Variants in DUS2 observed in about 807,000 individuals in gnomAD.
DUS2 encodes the protein dihydrouridine synthase 2.
A neutral mutation model predicts 71.3 loss-of-function variants in DUS2; 52 were observed. The ratio of observed to expected loss-of-function variants is 0.73; its 90% CI spans 0.58 to 0.92. DUS2 has a LOEUF of 0.92. Among genes scored for constraint, DUS2 ranks in the 40% least tolerant of loss-of-function variants. DUS2 has a pLI of 0.00. For synonymous variants in DUS2, 204 were observed against 227.8 expected, an observed-to-expected ratio of 0.90 and a Z score of 0.94; for missense variants, 558 against 622.6, an observed-to-expected ratio of 0.90 and a Z score of 1.10.
At position 68,053,628 on chromosome 16, in the gene DUS2, A is replaced by G. The variant is rs1376658747; in HGVS notation, c.237A>G (p.Arg79=). The G allele has an allele frequency of 1.2e-6, 2 of 1,614,220 alleles. No homozygotes were observed. Among genetic ancestry groups the G allele is most frequent in the Non-Finnish European group, 8.5e-7 (1 of 1,180,036 alleles). Residue 79 remains arginine, a synonymous_variant, in exon 5 of 17, where the codon AGA becomes AGG. Coordinates refer to ENST00000565263, the MANE Select transcript of DUS2 (RefSeq NM_017803.5). The stretch of plus-strand genomic sequence containing the variant: ...GAGTTGTCTTCCGCACCTGTGAAAG[A>G]GAGCAGAACAGGGTGGTCTTCCAGA... ...DDRVVFRTCE[R]EQNRVVFQMG...
intron 2 of DUS2, among the ~76,000 whole-genome samples, chr16:68,036,838 G>A (rs2033537454): frequency 6.6e-6 from 1 of 151,962 alleles, no homozygotes; most frequent in African/African-American, 2.4e-5. Context: ...TTCCTCTGCT[G>A]TGCATTCTTC....
intron 1 of DUS2, chr16:68,023,746 T>G (rs2033296991): frequency 6.0e-6 from 1 of 167,378 alleles, no homozygotes; most frequent in Non-Finnish European, 1.5e-5. Context: ...TGCAAGCTGA[T>G]GGCTTTCAGC....
At chr16:68,053,960 C>T (rs757867104) in intron 5 of DUS2, 5 of 345,176 alleles carry the variant, frequency 1.4e-5, no homozygotes, top group Non-Finnish European at 2.2e-5. Flanking sequence ...ATTGATTACT[C>T]AGATCATAGT....
intron 15 of DUS2, 101 bp downstream of exon 15, chr16:68,076,820 T>C (rs1251987521): frequency 1.0e-6 from 1 of 987,352 alleles, no homozygotes; most frequent in Non-Finnish European, 1.5e-6. Context: ...CCTTGACCTC[T>C]GTAGGCATGG....
In DUS2 at chr16:68,055,622, C is replaced by T. The variant is rs1042225989; in HGVS notation, c.309-742C>T. Among the ~76,000 whole-genome samples, 10 of 152,020 alleles carry T rather than the reference C, an allele frequency of 6.6e-5. 1 individual carries two copies. Among genetic ancestry groups the T allele is most frequent in the African/African-American group, 2.2e-4 (9 of 41,382 alleles). The stretch of plus-strand genomic sequence containing the variant: ...TTTCTCACCTATAAAATAGTGCTAC[C>T]AACCTCTGGCATAGGGAAGGGTAAA... On this transcript the variant is annotated intron_variant, in intron 6 of 16. Coordinates refer to ENST00000565263, the MANE Select transcript of DUS2 (RefSeq NM_017803.5).
intron 2 of DUS2, among the ~76,000 whole-genome samples, chr16:68,033,663 G>A (rs1405344738): frequency 2.4e-5 from 3 of 127,062 alleles, no homozygotes; most frequent in South Asian, 2.5e-4. Context: ...TTTTTATATA[G>A]AGTCTTGCTG....
intron 6 of DUS2, 38 bp downstream of exon 6, chr16:68,054,655 C>G: frequency 6.2e-7 from 1 of 1,613,016 alleles, no homozygotes; most frequent in African/African-American, 1.3e-5. Flanking sequence ...GCCTTTGCCT[C>G]TCCTTTGAGC....
At chr16:68,046,470 C>T (rs999050543) in intron 3 of DUS2, among the ~76,000 whole-genome samples, 4 of 152,106 alleles carry the variant, frequency 2.6e-5, no homozygotes, top group African/African-American at 9.7e-5. Context: ...CCTCCGCCTC[C>T]CAGGTTCAAG....
At chr16:68,037,307 G>T (rs2033545746) in intron 2 of DUS2, among the ~76,000 whole-genome samples, 2 of 151,910 alleles carry the variant, frequency 1.3e-5, no homozygotes, top group Admixed American at 6.6e-5. Context: ...AAACAGGCCA[G>T]GTGCAGTGGC....
chr16:68,071,853 G>T (rs1294064900), intron 12 of DUS2, among the ~76,000 whole-genome samples: 1 of 152,128 alleles, frequency 6.6e-6, no homozygotes, highest in Non-Finnish European at 1.5e-5. Context: ...TGCCCAGGCT[G>T]GGAATGGCCT....
At chr16:68,054,365 A>G (rs575190455) in intron 5 of DUS2, among the ~76,000 whole-genome samples, 60 of 152,356 alleles carry the variant, frequency 3.9e-4, no homozygotes, top group Admixed American at 3.9e-4. Context: ...TAATCATAGT[A>G]TAGATAACAT....
At chr16:68,071,177 G>T in intron 12 of DUS2, 69 bp downstream of exon 12, 1 of 1,553,476 alleles carries the variant, frequency 6.4e-7, no homozygotes. Context: ...AGAGCACTTT[G>T]TGTGAGCCCC....
chr16:68,063,631 T>TG (rs1431400911), intron 8 of DUS2, among the ~76,000 whole-genome samples: 1 of 151,920 alleles, frequency 6.6e-6, no homozygotes, highest in East Asian at 1.9e-4. Context: ...GGGTGGAGAG[T>TG]GGGATATCAA....
intron 4 of DUS2, among the ~76,000 whole-genome samples, chr16:68,051,335 C>T (rs1243720901): frequency 6.6e-6 from 1 of 152,174 alleles, no homozygotes; most frequent in African/African-American, 2.4e-5. Flanking sequence ...AGCCTCTGGT[C>T]ATATTTTCAT....
At chr16:68,058,615 T>C (rs761585258) in intron 7 of DUS2, among the ~76,000 whole-genome samples, 1 of 152,150 alleles carries the variant, frequency 6.6e-6, no homozygotes, top group African/African-American at 2.4e-5. Flanking sequence ...AGGTGGTATA[T>C]ACCATTTATA....
chr16:68,035,927 TATACACACATACATACAC>T (rs1454647008), intron 2 of DUS2, among the ~76,000 whole-genome samples: 1 of 106,800 alleles, frequency 9.4e-6, no homozygotes, highest in African/African-American at 3.9e-5. Context: ...TATATATATA[TATACACACATACATACAC>T]ATATATATAC....
intron 2 of DUS2, among the ~76,000 whole-genome samples, chr16:68,026,045 C>T (rs971664350): frequency 6.6e-6 from 1 of 152,194 alleles, no homozygotes; most frequent in African/African-American, 2.4e-5. Flanking sequence ...GGCTAGACTT[C>T]AGTGGTGCCA....
intron 12 of DUS2, among the ~76,000 whole-genome samples, chr16:68,072,703 G>A (rs910460497): frequency 1.3e-5 from 2 of 152,216 alleles, no homozygotes; most frequent in African/African-American, 4.8e-5. Flanking sequence ...AGCAGCATAG[G>A]GGGTGGGGGA....
Position 68,038,118 on chromosome 16 carries a change from T to C in DUS2, c.95T>C (p.Leu32Pro), listed in dbSNP as rs919034285. The C allele has an allele frequency of 5.6e-6, 9 of 1,613,890 alleles. No homozygotes were observed. The highest frequency in any genetic ancestry group is 6.8e-6 in the Non-Finnish European group (8 of 1,179,964). The change falls in exon 3 of 17, where the codon CTG becomes CCG. Residue 32 changes from leucine to proline, a missense_variant. By Grantham distance (98) the Leu-to-Pro change is moderately conservative. Coordinates refer to ENST00000565263, the MANE Select transcript of DUS2 (RefSeq NM_017803.5). ...VGTLPMRLLA[L>P]DYGADIVYCE... ...ACTCTTCCAATGAGGCTGCTGGCCC[T>C]GGATTATGGAGCGGACATTGTTTAC...
Sources: allele counts gnomAD v4.1 joint callset (sites outside exome capture counted in the v4.1 genomes callset), GRCh38; gene constraint gnomAD v4.1.1; transcripts MANE v1.5; gene names NCBI Gene and HGNC (gene_info 2026-07-23, HGNC 2026-07-21).